The following FANCC variants were observed in gnomAD, a reference collection of about 807,000 sequenced individuals.
FANCC encodes the protein Fanconi anemia group C protein.
In FANCC, 55 loss-of-function variants were observed where a neutral mutation model predicts 71.3. The observed-to-expected ratio is 0.77, with a 90% CI of 0.62 to 0.97. The LOEUF (loss-of-function observed/expected upper bound fraction) is 0.97, where lower values mean the gene tolerates loss of function less well. Ranked by LOEUF, FANCC falls within the 50% of genes least tolerant of loss-of-function variation. FANCC has a pLI of 0.00. For missense variants in FANCC, 678 were observed against 670.9 expected (o/e 1.01, Z -0.12); for synonymous variants, 275 against 244.9 (o/e 1.12, Z -1.15).
intron 4 of FANCC, among the ~76,000 whole-genome samples, chr9:95,177,723 C>T (rs1230309604): frequency 6.6e-6 from 1 of 152,156 alleles, no homozygotes; most frequent in East Asian, 1.9e-4. Flanking sequence ...GCCACCCAGA[C>T]ACTTGTCCTG....
chr9:95,301,911 A>G (rs1834758804), intron 1 of FANCC, among the ~76,000 whole-genome samples: 1 of 144,892 alleles, frequency 6.9e-6, no homozygotes, highest in South Asian at 2.2e-4. Context: ...CCCCATCTCC[A>G]CTAAAAAAAA....
At chr9:95,210,639 G>A (rs536234393) in intron 4 of FANCC, among the ~76,000 whole-genome samples, 1 of 152,254 alleles carries the variant, frequency 6.6e-6, no homozygotes, top group South Asian at 2.1e-4. Context: ...TATATGACTT[G>A]CCCAGGGTAA....
intron 6 of FANCC, among the ~76,000 whole-genome samples, chr9:95,170,872 T>C (rs936704268): frequency 6.6e-6 from 1 of 152,150 alleles, no homozygotes; most frequent in Non-Finnish European, 1.5e-5. Context: ...ATTTACTTAC[T>C]GCTCTGTGAG....
chr9:95,179,429 C>T (rs943525805), intron 4 of FANCC, among the ~76,000 whole-genome samples: 1 of 152,220 alleles, frequency 6.6e-6, no homozygotes, highest in African/African-American at 2.4e-5. Context: ...TCACTGCAAC[C>T]TCTGCCTCCC....
Position 95,099,402 on chromosome 9 carries a change from C to T in FANCC, c.*2305G>A, listed in dbSNP as rs562465438. ...TGCGGCTGCCCCTGTGCCCAGGCCC[C>T]GCCAACGCCGTCAAGGCCCCCTCGG... On this transcript the variant is annotated 3_prime_UTR_variant, in exon 15 of 15. Transcript: ENST00000289081. 3.1e-4 allele frequency: 71 copies of T among 228,060 alleles called. No homozygotes were observed. The highest frequency in any genetic ancestry group is 5.8e-4 in the Non-Finnish European group (67 of 115,310). 14.1% of individuals were successfully genotyped at this position (228,060 alleles called of 1,614,324 possible). A position where few individuals can be genotyped will look rare whatever the true frequency, so the allele number is the denominator to read the frequency against.
chr9:95,289,482 C>T (rs571682359), intron 1 of FANCC, among the ~76,000 whole-genome samples: 4 of 152,068 alleles, frequency 2.6e-5, no homozygotes, highest in African/African-American at 7.2e-5. Context: ...TTGTATTTCA[C>T]GGGGGGATAA....
At chr9:95,124,945 G>C (rs1200981976) in intron 10 of FANCC, 141 bp downstream of exon 10, 1 of 743,010 alleles carries the variant, frequency 1.3e-6, no homozygotes, top group African/African-American at 1.7e-5. Context: ...CTTAACCTTT[G>C]TTGGGGCACT....
At chr9:95,161,762 C>T (rs2135519218) in intron 6 of FANCC, among the ~76,000 whole-genome samples, 1 of 152,236 alleles carries the variant, frequency 6.6e-6, no homozygotes, top group Middle Eastern at 3.4e-3. Flanking sequence ...AAACTCTATA[C>T]CCATTGAACA....
At chr9:95,165,706 T>C (rs1373875065) in intron 6 of FANCC, among the ~76,000 whole-genome samples, 3 of 152,102 alleles carry the variant, frequency 2.0e-5, no homozygotes, top group Non-Finnish European at 4.4e-5. Context: ...ACATGTGGTC[T>C]TTCCTACAGA....
At chr9:95,151,732 A>T (rs1469656025) in intron 6 of FANCC, among the ~76,000 whole-genome samples, 3 of 152,162 alleles carry the variant, frequency 2.0e-5, no homozygotes, top group Non-Finnish European at 4.4e-5. Context: ...GTTTAAGACC[A>T]GCACAGGTAA....
intron 4 of FANCC, among the ~76,000 whole-genome samples, chr9:95,200,750 C>G (rs1298398778): frequency 6.6e-6 from 1 of 152,122 alleles, no homozygotes; most frequent in Non-Finnish European, 1.5e-5. Context: ...TTGTTATTTT[C>G]ATTAGAAATT....
At chr9:95,191,850 C>T (rs1394332980) in intron 4 of FANCC, among the ~76,000 whole-genome samples, 1 of 152,086 alleles carries the variant, frequency 6.6e-6, no homozygotes, top group African/African-American at 2.4e-5. Context: ...CTCTCCAGGG[C>T]ACTGCTTTCA....
intron 1 of FANCC, among the ~76,000 whole-genome samples, chr9:95,253,323 T>G (rs941769469): frequency 6.6e-6 from 1 of 152,178 alleles, no homozygotes; most frequent in East Asian, 1.9e-4. Context: ...GTTGGGCATA[T>G]CTGACCCTGC....
At chr9:95,222,253 CAGAT>C (rs1326597535) in intron 4 of FANCC, among the ~76,000 whole-genome samples, 1 of 148,894 alleles carries the variant, frequency 6.7e-6, no homozygotes, top group East Asian at 2.0e-4. Flanking sequence ...AACAAATGAA[CAGAT>C]AAACAAACTG....
At chr9:95,281,360 G>C (rs1006548329) in intron 1 of FANCC, among the ~76,000 whole-genome samples, 2 of 151,744 alleles carry the variant, frequency 1.3e-5, no homozygotes, top group African/African-American at 4.8e-5. Context: ...CCTCTAAGCA[G>C]AAACATTGTC....
chr9:95,126,595 A>C lies in FANCC; in HGVS notation c.844-14T>G, dbSNP rs759280421. 5 of 1,613,822 alleles carry C rather than the reference A, an allele frequency of 3.1e-6. No homozygotes were observed. Among genetic ancestry groups the C allele is most frequent in the Non-Finnish European group, 4.2e-6 (5 of 1,179,724 alleles). The stretch of plus-strand genomic sequence containing the variant: ...GGCTGCTTGAGGCTGTAAAAGGAGA[A>C]GACCATGAGAATGTGAAATATCACA... On this transcript the variant is annotated splice_polypyrimidine_tract_variant and intron_variant, in intron 8 of 14. Transcript: ENST00000289081.
At chr9:95,182,026 C>A (rs1300051440) in intron 4 of FANCC, among the ~76,000 whole-genome samples, 1 of 152,086 alleles carries the variant, frequency 6.6e-6, no homozygotes, top group Non-Finnish European at 1.5e-5. Context: ...GGAACATGGT[C>A]TGGGTGTGGA....
chr9:95,217,102 T>A (rs979965329), intron 4 of FANCC, among the ~76,000 whole-genome samples: 5 of 152,184 alleles, frequency 3.3e-5, no homozygotes, highest in African/African-American at 1.2e-4. Context: ...ACTGAAATAA[T>A]ACAAATATAT....
intron 1 of FANCC, among the ~76,000 whole-genome samples, chr9:95,265,461 G>C (rs1288654510): frequency 6.6e-6 from 1 of 152,182 alleles, no homozygotes; most frequent in Admixed American, 6.5e-5. Context: ...TGCTAAGACA[G>C]AAATCTCTGA....
Sources: gnomAD v4.1 joint callset for allele counts (sites outside exome capture counted in the v4.1 genomes callset) on GRCh38, gnomAD v4.1.1 for gene constraint, MANE v1.5 for transcripts, NCBI Gene and HGNC (gene_info 2026-07-23, HGNC 2026-07-21) for gene names.